Variants in ST7 observed in about 807,000 individuals in gnomAD.
ST7 encodes the protein suppression of tumorigenicity 7, also known as suppressor of tumorigenicity 7 protein.
ST7 carries 28 observed loss-of-function variants against 78.7 expected under a neutral mutation model. The ratio of observed to expected loss-of-function variants is 0.36; its 90% CI spans 0.26 to 0.49. ST7 has a LOEUF of 0.49. Among genes scored for constraint, ST7 ranks in the 20% least tolerant of loss-of-function variants. The pLI, the probability that ST7 is intolerant of heterozygous loss-of-function variation, is 0.99. For synonymous variants in ST7, 247 were observed against 249.6 expected (o/e 0.99, Z 0.10); for missense variants, 418 against 696.0 (o/e 0.60, Z 4.49).
At chr7:117,101,512 A>G (rs1447252960) in intron 2 of ST7, among the ~76,000 whole-genome samples, 1 of 152,214 alleles carries the variant, frequency 6.6e-6, no homozygotes, top group Non-Finnish European at 1.5e-5. Context: ...CACCTTGTCC[A>G]GTGAACTTAG....
chr7:116,973,097 T>C (rs756154575), intron 1 of ST7, among the ~76,000 whole-genome samples: 1 of 152,088 alleles, frequency 6.6e-6, no homozygotes, highest in African/African-American at 2.4e-5. Context: ...TTCACATTTT[T>C]CCAGTTTTGG....
chr7:117,192,819 C>T (rs752752698), intron 12 of ST7, among the ~76,000 whole-genome samples: 1 of 152,068 alleles, frequency 6.6e-6, no homozygotes, highest in Non-Finnish European at 1.5e-5. Context: ...TTTAAGGCTG[C>T]CATGGAAGAA....
chr7:117,016,779 T>G (rs1159274967), intron 1 of ST7, among the ~76,000 whole-genome samples: 1 of 152,222 alleles, frequency 6.6e-6, no homozygotes, highest in Non-Finnish European at 1.5e-5. Context: ...ATAGTGATTT[T>G]TATAAACATT....
chr7:117,193,150 T>TAC (rs137866535), intron 12 of ST7, among the ~76,000 whole-genome samples: 6,669 of 144,912 alleles, frequency 0.046, 180 homozygotes, highest in Non-Finnish European at 0.057. Flanking sequence ...CTTTAGCAGA[T>TAC]ACACACACAC....
At chr7:117,015,892 A>G (rs1386913998) in intron 1 of ST7, among the ~76,000 whole-genome samples, 1 of 152,166 alleles carries the variant, frequency 6.6e-6, no homozygotes, top group Non-Finnish European at 1.5e-5. Context: ...CACTTTTCAT[A>G]CCCAGTGTAA....
intron 15 of ST7, chr7:117,223,948 T>C (rs1793281828): frequency 2.1e-6 from 2 of 975,412 alleles, no homozygotes; most frequent in Non-Finnish European, 1.2e-6. Context: ...AATGGAAAAA[T>C]CAGATACAGC....
intron 1 of ST7, among the ~76,000 whole-genome samples, chr7:117,085,905 C>T (rs1056929574): frequency 1.3e-5 from 2 of 151,962 alleles, no homozygotes; most frequent in African/African-American, 4.8e-5. Context: ...GCAACACGAA[C>T]TAGTAATTAA....
intron 15 of ST7, 21 bp downstream of exon 15, chr7:117,222,083 A>AG (rs1563180653): frequency 6.3e-7 from 1 of 1,594,658 alleles, no homozygotes; most frequent in Non-Finnish European, 8.5e-7. Flanking sequence ...GCCTAGAGGG[A>AG]GGCCTTGGGG....
chr7:117,047,363 A>G (rs1395955173), intron 1 of ST7, among the ~76,000 whole-genome samples: 1 of 152,234 alleles, frequency 6.6e-6, no homozygotes, highest in Admixed American at 6.5e-5. Context: ...AATTACAGGG[A>G]GTGACAACTT....
At chr7:117,020,796 T>C (rs138467626) in intron 1 of ST7, among the ~76,000 whole-genome samples, 283 of 152,278 alleles carry the variant, frequency 1.9e-3, no homozygotes, top group African/African-American at 6.1e-3. Context: ...TTAACTGGGT[T>C]ATTCATCCTT....
At chr7:117,131,304 A>G (rs966811723) in intron 5 of ST7, among the ~76,000 whole-genome samples, 1 of 151,938 alleles carries the variant, frequency 6.6e-6, no homozygotes, top group Non-Finnish European at 1.5e-5. Flanking sequence ...TAGAAACATC[A>G]TGGTACAGTA....
chr7:117,065,576 C>T (rs1798592708), intron 1 of ST7, among the ~76,000 whole-genome samples: 2 of 152,126 alleles, frequency 1.3e-5, no homozygotes, highest in Admixed American at 1.3e-4. Flanking sequence ...GTGCAGGCTG[C>T]ATATATAGAG....
intron 1 of ST7, among the ~76,000 whole-genome samples, chr7:117,058,617 T>A (rs540543656): frequency 6.6e-6 from 1 of 152,206 alleles, no homozygotes; most frequent in Non-Finnish European, 1.5e-5. Flanking sequence ...TTCATATCCA[T>A]CCTGTGTTTT....
intron 1 of ST7, among the ~76,000 whole-genome samples, chr7:116,978,172 A>T (rs149920942): frequency 6.6e-6 from 1 of 152,240 alleles, no homozygotes; most frequent in East Asian, 1.9e-4. Context: ...CTTACATGAC[A>T]TTTTCAGAGA....
chr7:117,204,133 A>G (rs1383272367), intron 12 of ST7, among the ~76,000 whole-genome samples: 9 of 152,230 alleles, frequency 5.9e-5, no homozygotes, highest in African/African-American at 2.2e-4. Flanking sequence ...CTGATCTGCT[A>G]CTACAATAAA....
At chr7:117,197,245 T>G (rs1810405556) in intron 12 of ST7, among the ~76,000 whole-genome samples, 1 of 152,186 alleles carries the variant, frequency 6.6e-6, no homozygotes, top group Non-Finnish European at 1.5e-5. Context: ...GTTGCCCAAG[T>G]TGTGCCTCAA....
chr7:116,973,132 C>T (rs541776735), intron 1 of ST7, among the ~76,000 whole-genome samples: 3 of 152,040 alleles, frequency 2.0e-5, no homozygotes, highest in African/African-American at 7.2e-5. Flanking sequence ...TGCTGCTTGG[C>T]TTCTGTGTTC....
At chr7:116,966,304 G>C (rs1381407143) in intron 1 of ST7, among the ~76,000 whole-genome samples, 1 of 144,312 alleles carries the variant, frequency 6.9e-6, no homozygotes. Context: ...GGGCTGGAGT[G>C]CAGTGGCATG....
chr7:117,097,908 A>ATATATATATATATATTT, intron 1 of ST7, among the ~76,000 whole-genome samples: 2 of 30,010 alleles, frequency 6.7e-5, no homozygotes, highest in East Asian at 3.4e-3. Context: ...ATATATATAT[A>ATATATATATATATATTT]TTTTTTTTTT....
Sources: allele counts gnomAD v4.1 joint callset (sites outside exome capture counted in the v4.1 genomes callset), GRCh38; gene constraint gnomAD v4.1.1; transcripts MANE v1.5; gene names NCBI Gene and HGNC (gene_info 2026-07-23, HGNC 2026-07-21).